Variants in ROBO2 observed in about 807,000 individuals in gnomAD.
The protein encoded by ROBO2 is roundabout homolog 2.
In ROBO2, 53 loss-of-function variants were observed where a neutral mutation model predicts 160.8. That is an observed-to-expected ratio of 0.33 (90% CI 0.26 to 0.41). The LOEUF is 0.41. ROBO2 is among the 10% of genes least tolerant of loss of function. The pLI, the probability that ROBO2 is intolerant of heterozygous loss-of-function variation, is 1.00. For missense variants in ROBO2, 1,577 were observed against 1,722.4 expected (o/e 0.92, Z 1.49); for synonymous variants, 664 against 611.7 (o/e 1.09, Z -1.26).
At chr3:76,959,087 A>G (rs2079475975) in intron 2 of ROBO2, among the ~76,000 whole-genome samples, 1 of 152,220 alleles carries the variant, frequency 6.6e-6, no homozygotes, top group African/African-American at 2.4e-5. Flanking sequence ...ATTCACAACC[A>G]GCCAAGATGT....
intron 1 of ROBO2, among the ~76,000 whole-genome samples, chr3:75,911,571 T>TC (rs1174083545): frequency 3.2e-4 from 45 of 140,724 alleles, no homozygotes; most frequent in African/African-American, 1.1e-3. Context: ...TTTTTTTTTT[T>TC]TTTTGAGACG....
intron 2 of ROBO2, among the ~76,000 whole-genome samples, chr3:76,201,083 G>A (rs1240580575): frequency 6.6e-6 from 1 of 152,084 alleles, no homozygotes; most frequent in Non-Finnish European, 1.5e-5. Flanking sequence ...CACAAAGACA[G>A]GCTAATTTTG....
intron 1 of ROBO2, among the ~76,000 whole-genome samples, chr3:77,094,475 G>A (rs1258474898): frequency 6.6e-6 from 1 of 152,068 alleles, no homozygotes; most frequent in African/African-American, 2.4e-5. Context: ...TGACTATTGT[G>A]AATAATACTG....
chr3:77,442,428 G>A (rs764017330), intron 2 of ROBO2, among the ~76,000 whole-genome samples: 1 of 152,032 alleles, frequency 6.6e-6, no homozygotes, highest in Non-Finnish European at 1.5e-5. Context: ...GTAGGAAATA[G>A]GACTGTAATT....
Position 77,446,435 on chromosome 3 carries a change from G to A in ROBO2, c.389-30979G>A, listed in dbSNP as rs904046977. Among the ~76,000 whole-genome samples the A allele has an allele frequency of 2.6e-5, 4 of 152,038 alleles. No individual in the cohort carries two copies. In the South Asian group the frequency reaches 8.3e-4, roughly 32 times the overall value. On this transcript the variant is annotated intron_variant, in intron 2 of 25. Transcript: ENST00000461745. Reference sequence around the variant, plus strand: ...AGCTCCATGCTTGATTTAACTGCTGGGCAAGTATTAATTTCTCATTGCACC... The same window carrying A: ...AGCTCCATGCTTGATTTAACTGCTGAGCAAGTATTAATTTCTCATTGCACC...
At chr3:76,908,957 G>GT (rs1163103386) in intron 2 of ROBO2, among the ~76,000 whole-genome samples, 2 of 152,220 alleles carry the variant, frequency 1.3e-5, no homozygotes, top group East Asian at 1.9e-4. Flanking sequence ...TTTAGGTGCA[G>GT]TGGTTCATGC....
intron 2 of ROBO2, among the ~76,000 whole-genome samples, chr3:76,981,973 C>T (rs1258421118): frequency 6.6e-6 from 1 of 152,200 alleles, no homozygotes; most frequent in Non-Finnish European, 1.5e-5. Context: ...AACTTCCCAC[C>T]AGGTGCCATC....
intron 2 of ROBO2, among the ~76,000 whole-genome samples, chr3:76,249,810 C>T (rs1266989359): frequency 6.6e-6 from 1 of 152,022 alleles, no homozygotes; most frequent in Non-Finnish European, 1.5e-5. Context: ...TTTAGACCAC[C>T]GTTTCTCAAA....
At chr3:76,115,649 G>A (rs968095356) in intron 2 of ROBO2, among the ~76,000 whole-genome samples, 5 of 152,086 alleles carry the variant, frequency 3.3e-5, no homozygotes, top group Non-Finnish European at 5.9e-5. Context: ...AGTATATCTA[G>A]CATTGTTAGG....
At chr3:76,212,349 G>C (rs1264560160) in intron 2 of ROBO2, among the ~76,000 whole-genome samples, 1 of 151,812 alleles carries the variant, frequency 6.6e-6, no homozygotes, top group East Asian at 1.9e-4. Context: ...ATTTATTTTT[G>C]ATATTAGAAT....
intron 5 of ROBO2, among the ~76,000 whole-genome samples, chr3:77,508,857 A>T (rs2088970747): frequency 6.6e-6 from 1 of 152,118 alleles, no homozygotes; most frequent in Non-Finnish European, 1.5e-5. Context: ...ACCGCTGAAG[A>T]TCAAACTTCG....
Position 76,333,058 on chromosome 3 carries a change from A to G in ROBO2, c.109+395456A>G, listed in dbSNP as rs377608619. On this transcript the variant is annotated intron_variant, in intron 2 of 26. Transcript: ENST00000487694. ...AGTTTGCAGGTAATGCTGTTGCTGC[A>G]GGCCCTGGAGCCACACCTTGAGAAC... Among the ~76,000 whole-genome samples, 489 of 152,334 alleles carry G rather than the reference A, an allele frequency of 3.2e-3. 7 individuals are homozygous for G. The highest frequency in any genetic ancestry group is 0.031 in the South Asian group (150 of 4,824).
intron 2 of ROBO2, among the ~76,000 whole-genome samples, chr3:77,373,117 TATA>T (rs2072036794): frequency 6.8e-6 from 1 of 147,094 alleles, no homozygotes; most frequent in African/African-American, 2.5e-5. Context: ...TTAAAATTAT[TATA>T]AAAGTTATAA....
chr3:77,175,627 G>A (rs527564886), intron 2 of ROBO2, among the ~76,000 whole-genome samples: 155 of 152,094 alleles, frequency 1.0e-3, no homozygotes, highest in Non-Finnish European at 1.8e-3. Flanking sequence ...CCTAAATCAG[G>A]AAGGTGACTG....
chr3:76,520,046 A>G (rs1338921465), intron 2 of ROBO2, among the ~76,000 whole-genome samples: 1 of 152,156 alleles, frequency 6.6e-6, no homozygotes, highest in African/African-American at 2.4e-5. Flanking sequence ...GTCCCTCTCC[A>G]TGTCAGGTGA....
At position 76,941,197 on chromosome 3, in the gene ROBO2, C is replaced by T. The variant is rs143009274; in HGVS notation, c.110-156817C>T. 8.7e-4 allele frequency among the ~76,000 whole-genome samples: 133 copies of T among 152,166 alleles called. 2 individuals are homozygous for T. Among genetic ancestry groups the T allele is most frequent in the Admixed American group, 6.6e-3 (101 of 15,290 alleles). On this transcript the variant is annotated intron_variant, in intron 2 of 26. Transcript: ENST00000487694. ...GATGGATTCTTTCATCTCCTTATTT[C>T]AAGACAACCTTCCTTTCACTTGAAT...
At chr3:77,525,859 A>G (rs900155966) in intron 6 of ROBO2, among the ~76,000 whole-genome samples, 38 of 151,302 alleles carry the variant, frequency 2.5e-4, no homozygotes, top group African/African-American at 9.0e-4. Flanking sequence ...TTATGTTTTA[A>G]ATTCACTTGA....
chr3:76,882,284 A>C lies in ROBO2; in HGVS notation c.110-215730A>C, dbSNP rs906235501. ...TAAAATCCAATGTTTCAACAGTACA[A>C]ATTCTCGCAGAGGTGAAACAAGTAT... On this transcript the variant is annotated intron_variant, in intron 2 of 26. Coordinates refer to the ROBO2 transcript ENST00000487694. Among the ~76,000 whole-genome samples, 4 of 152,160 alleles carry C rather than the reference A, an allele frequency of 2.6e-5. No individual in the cohort carries two copies. The South Asian group carries it at 8.3e-4, about 31-fold the overall frequency.
chr3:76,164,252 C>A (rs1252003287), intron 2 of ROBO2, among the ~76,000 whole-genome samples: 2 of 152,172 alleles, frequency 1.3e-5, no homozygotes, highest in African/African-American at 4.8e-5. Flanking sequence ...GGTATTTCTG[C>A]TGCATCTGCA....
Sources: gnomAD v4.1 joint callset for allele counts (sites outside exome capture counted in the v4.1 genomes callset) on GRCh38, gnomAD v4.1.1 for gene constraint, MANE v1.5 for transcripts, NCBI Gene and HGNC (gene_info 2026-07-23, HGNC 2026-07-21) for gene names.